The following DCDC2C variants were observed in gnomAD, a reference collection of about 807,000 sequenced individuals.
The protein encoded by DCDC2C is doublecortin domain containing 2C.
DCDC2C carries 44 observed loss-of-function variants against 45.0 expected under a neutral mutation model. The ratio of observed to expected loss-of-function variants is 0.98; its 90% CI spans 0.77 to 1.26. The LOEUF is 1.26. DCDC2C is among the 50% of genes most tolerant of loss of function. The pLI is 0.00. For synonymous variants in DCDC2C, 187 were observed against 178.8 expected, an observed-to-expected ratio of 1.05 and a Z score of -0.37; for missense variants, 447 against 468.9, an observed-to-expected ratio of 0.95 and a Z score of 0.43.
intron 4 of DCDC2C, among the ~76,000 whole-genome samples, chr2:3,748,709 G>C (rs1669447759): frequency 6.6e-6 from 1 of 152,126 alleles, no homozygotes; most frequent in African/African-American, 2.4e-5. Context: ...TGTTGGAGGA[G>C]GCACCTGAAG....
intron 1 of DCDC2C, among the ~76,000 whole-genome samples, chr2:3,708,211 G>A (rs975218684): frequency 1.3e-5 from 2 of 152,272 alleles, no homozygotes; most frequent in Admixed American, 6.5e-5. Flanking sequence ...TGATGAGCTC[G>A]CAGTTCTGGG....
At chr2:3,814,599 C>T (rs1671508045) in intron 10 of DCDC2C, among the ~76,000 whole-genome samples, 1 of 152,232 alleles carries the variant, frequency 6.6e-6, no homozygotes, top group African/African-American at 2.4e-5. Flanking sequence ...GAAAGAGGCA[C>T]TCTGGCCTTT....
At chr2:3,832,175 G>C (rs1671966533) in intron 10 of DCDC2C, among the ~76,000 whole-genome samples, 1 of 152,194 alleles carries the variant, frequency 6.6e-6, no homozygotes, top group African/African-American at 2.4e-5. Context: ...AATGGTTTCA[G>C]AAAGTATTCT....
chr2:3,739,446 CAG>C (rs566746277), intron 3 of DCDC2C, among the ~76,000 whole-genome samples: 50 of 152,352 alleles, frequency 3.3e-4, no homozygotes, highest in African/African-American at 1.2e-3. Flanking sequence ...CCTGGCAAGG[CAG>C]AGACAGAAAT....
At position 3,778,862 on chromosome 2, in the gene DCDC2C, C is replaced by G. The variant is rs187953335; in HGVS notation, c.1001C>G (p.Thr334Ser). The G allele has an allele frequency of 2.5e-5, 39 of 1,551,042 alleles. No homozygotes were observed. The highest frequency in any genetic ancestry group is 4.1e-5 in the African/African-American group (3 of 73,160). ...GAAGATGAAGAGATACATGAGAACA[C>G]CCCTGATTTTGAGGGCAACAAGGTG... ...VKEDEEIHEN[T>S]PDFEGNKDKE... is the part of the protein sequence containing the mutation. Residue 334 changes from threonine (T) to serine (S), a missense_variant, in exon 9 of 11, where the codon ACC becomes AGC. Physicochemically the swap from Thr to Ser is moderately conservative, Grantham distance 58 (BLOSUM62 1). Transcript: ENST00000399143.
chr2:3,722,423 T>C (rs997569670), intron 2 of DCDC2C, among the ~76,000 whole-genome samples: 1 of 152,256 alleles, frequency 6.6e-6, no homozygotes, highest in Non-Finnish European at 1.5e-5. Flanking sequence ...GGGTTAGGTA[T>C]GAATGCAGGT....
At chr2:3,757,357 G>C (rs545820383) in intron 6 of DCDC2C, among the ~76,000 whole-genome samples, 1 of 152,128 alleles carries the variant, frequency 6.6e-6, no homozygotes, top group East Asian at 1.9e-4. Flanking sequence ...GAATGTGGGG[G>C]GCTGTTGGGA....
chr2:3,810,207 C>G (rs1485100163), intron 10 of DCDC2C, among the ~76,000 whole-genome samples: 3 of 152,220 alleles, frequency 2.0e-5, no homozygotes, highest in Admixed American at 6.5e-5. Context: ...TACATTCCCA[C>G]CAACAGTGTA....
At chr2:3,790,815 T>C (rs1201383784) in intron 10 of DCDC2C, among the ~76,000 whole-genome samples, 1 of 152,060 alleles carries the variant, frequency 6.6e-6, no homozygotes, top group Admixed American at 6.6e-5. Flanking sequence ...TTTAGAAAAT[T>C]ATTTGGTTCT....
intron 8 of DCDC2C, among the ~76,000 whole-genome samples, chr2:3,773,660 T>C (rs1670247609): frequency 6.6e-6 from 1 of 152,256 alleles, no homozygotes; most frequent in Non-Finnish European, 1.5e-5. Context: ...GTTTTGTAAC[T>C]ACTTTAAGAA....
chr2:3,766,759 A>C (rs1229938377), intron 6 of DCDC2C, among the ~76,000 whole-genome samples: 1 of 152,208 alleles, frequency 6.6e-6, no homozygotes, highest in African/African-American at 2.4e-5. Flanking sequence ...TTCACTTCCA[A>C]ATACTTGAGA....
intron 1 of DCDC2C, among the ~76,000 whole-genome samples, 164 bp from the exon 2 acceptor site, chr2:3,708,385 T>C (rs925977554): frequency 2.1e-4 from 32 of 152,216 alleles, no homozygotes; most frequent in African/African-American, 7.7e-4. Context: ...ATTGCTATTG[T>C]ATTCTGATGT....
At chr2:3,736,019 C>A (rs1669013033) in intron 3 of DCDC2C, among the ~76,000 whole-genome samples, 2 of 152,046 alleles carry the variant, frequency 1.3e-5, no homozygotes, top group Non-Finnish European at 1.5e-5. Flanking sequence ...GTTCTGCATC[C>A]CAAATACATC....
chr2:3,812,681 G>A (rs896991017), intron 10 of DCDC2C, among the ~76,000 whole-genome samples: 2 of 151,702 alleles, frequency 1.3e-5, no homozygotes, highest in Admixed American at 6.6e-5. Context: ...TTAGGGTATC[G>A]ATGAGTTATT....
rs56067833 is a variant in DCDC2C at position 3,762,162 on chromosome 2, C to CTTTTTTTTTTT, written c.727-5587_727-5577dup. Among the ~76,000 whole-genome samples, 119 of 127,652 alleles carry CTTTTTTTTTTT rather than the reference C, an allele frequency of 9.3e-4. 1 individual carries two copies. The highest frequency in any genetic ancestry group is 4.5e-3 in the Middle Eastern group (1 of 222). 83.7% of individuals were successfully genotyped at this position (127,652 alleles called of 152,430 possible). A position where few individuals can be genotyped will look rare whatever the true frequency, so the allele number is the denominator to read the frequency against. On this transcript the variant is annotated intron_variant, in intron 6 of 10. Coordinates refer to ENST00000399143, the MANE Select transcript of DCDC2C (RefSeq NM_001287444.2). ...TTGATCCATGTTTTCTTGCTTGAAC[C>CTTTTTTTTTTT]TTTTTTTTTTTTTTTAACCAAGTGC...
At chr2:3,721,012 C>T (rs965113132) in intron 2 of DCDC2C, among the ~76,000 whole-genome samples, 5 of 152,030 alleles carry the variant, frequency 3.3e-5, no homozygotes, top group South Asian at 4.2e-4. Flanking sequence ...TCGTTCATTT[C>T]GTTTAAGTTG....
intron 10 of DCDC2C, among the ~76,000 whole-genome samples, chr2:3,828,913 A>G (rs985620680): frequency 6.6e-6 from 1 of 152,040 alleles, no homozygotes; most frequent in African/African-American, 2.4e-5. Context: ...TACTCACTGG[A>G]AATCATTTTT....
At chr2:3,767,264 T>A in intron 6 of DCDC2C, among the ~76,000 whole-genome samples, 1 of 152,314 alleles carries the variant, frequency 6.6e-6, no homozygotes, top group Non-Finnish European at 1.5e-5. Context: ...ACATGTGAGT[T>A]CTCCCTTATT....
At chr2:3,712,717 C>T (rs1668247897) in intron 2 of DCDC2C, among the ~76,000 whole-genome samples, 1 of 152,104 alleles carries the variant, frequency 6.6e-6, no homozygotes, top group African/African-American at 2.4e-5. Context: ...TGCCAAGTGC[C>T]AGGACTTCAT....
Sources: allele counts gnomAD v4.1 joint callset (sites outside exome capture counted in the v4.1 genomes callset), GRCh38; gene constraint gnomAD v4.1.1; transcripts MANE v1.5; gene names NCBI Gene and HGNC (gene_info 2026-07-23, HGNC 2026-07-21).